Variants in SLC2A13 observed in about 807,000 individuals in gnomAD.
SLC2A13 encodes solute carrier family 2 member 13, also known as proton myo-inositol cotransporter.
A neutral mutation model predicts 64.4 loss-of-function variants in SLC2A13; 32 were observed. The ratio of observed to expected loss-of-function variants is 0.50; its 90% confidence interval spans 0.37 to 0.67. The LOEUF (loss-of-function observed/expected upper bound fraction) is 0.67, where lower values mean the gene tolerates loss of function less well. Ranked by LOEUF, SLC2A13 falls within the 30% of genes least tolerant of loss-of-function variation. SLC2A13 has a pLI of 0.00. For missense variants in SLC2A13, 743 were observed against 829.2 expected, an observed-to-expected ratio of 0.90 and a Z score of 1.28; for synonymous variants, 338 against 327.1, an observed-to-expected ratio of 1.03 and a Z score of -0.36.
intron 2 of SLC2A13, among the ~76,000 whole-genome samples, chr12:40,037,878 T>G (rs1168869351): frequency 3.3e-5 from 5 of 152,184 alleles, no homozygotes; most frequent in Non-Finnish European, 4.4e-5. Context: ...TAGAATGACA[T>G]GCCCTCTTTT....
At chr12:40,033,416 T>C (rs1462929990) in intron 2 of SLC2A13, among the ~76,000 whole-genome samples, 1 of 152,228 alleles carries the variant, frequency 6.6e-6, no homozygotes, top group African/African-American at 2.4e-5. Context: ...AAAGCAAAGC[T>C]GGCTGGCTGG....
chr12:40,013,110 A>G (rs1404556964), intron 3 of SLC2A13, among the ~76,000 whole-genome samples: 1 of 152,200 alleles, frequency 6.6e-6, no homozygotes, highest in Non-Finnish European at 1.5e-5. Context: ...ATACATGCAG[A>G]GGATGGCTTC....
chr12:40,014,606 C>T (rs767208314), intron 3 of SLC2A13, among the ~76,000 whole-genome samples: 3 of 152,148 alleles, frequency 2.0e-5, no homozygotes, highest in Admixed American at 6.5e-5. Context: ...ATTCTCCTGC[C>T]TCAGCCTCCC....
intron 1 of SLC2A13, among the ~76,000 whole-genome samples, chr12:40,062,658 T>A (rs1948442035): frequency 6.6e-6 from 1 of 152,096 alleles, no homozygotes; most frequent in Admixed American, 6.6e-5. Flanking sequence ...TATACTGAGT[T>A]TCCATGTTTA....
chr12:39,915,268 C>G (rs1054567000), intron 4 of SLC2A13, among the ~76,000 whole-genome samples: 3 of 151,912 alleles, frequency 2.0e-5, no homozygotes, highest in Non-Finnish European at 4.4e-5. Context: ...ACTGTAATTA[C>G]ATTGCTAATA....
chr12:39,907,719 G>A (rs1335866302), intron 4 of SLC2A13: 2 of 151,050 alleles, frequency 1.3e-5, no homozygotes, highest in Non-Finnish European at 1.5e-5. Context: ...TCTGACCTGT[G>A]AAACAGGAAG....
At chr12:39,817,933 T>C (rs892299599) in intron 7 of SLC2A13, among the ~76,000 whole-genome samples, 3 of 152,196 alleles carry the variant, frequency 2.0e-5, no homozygotes, top group African/African-American at 7.2e-5. Flanking sequence ...ACACATTCCT[T>C]GAACTTGTCT....
intron 2 of SLC2A13, among the ~76,000 whole-genome samples, chr12:40,032,919 C>G (rs1213989496): frequency 6.6e-6 from 1 of 152,132 alleles, no homozygotes; most frequent in Non-Finnish European, 1.5e-5. Context: ...TGATTATGTT[C>G]CAAATATGTG....
At chr12:39,885,696 A>G (rs1239469725) in intron 4 of SLC2A13, among the ~76,000 whole-genome samples, 2 of 152,198 alleles carry the variant, frequency 1.3e-5, no homozygotes, top group Non-Finnish European at 2.9e-5. Context: ...CTCGTGAATC[A>G]TGGAATAAAA....
At chr12:39,918,068 G>A (rs559496326) in intron 4 of SLC2A13, among the ~76,000 whole-genome samples, 11 of 152,196 alleles carry the variant, frequency 7.2e-5, no homozygotes, top group Middle Eastern at 3.4e-3. Flanking sequence ...CCTACTATGT[G>A]CAAAGTCATT....
chr12:39,981,100 G>A (rs1946884646), intron 3 of SLC2A13, among the ~76,000 whole-genome samples: 2 of 151,736 alleles, frequency 1.3e-5, no homozygotes, highest in South Asian at 2.1e-4. Flanking sequence ...AATGAAGGCA[G>A]AAATAAAGAT....
intron 6 of SLC2A13, among the ~76,000 whole-genome samples, chr12:39,846,844 T>C (rs1326233862): frequency 4.0e-5 from 6 of 151,856 alleles, no homozygotes; most frequent in Non-Finnish European, 7.4e-5. Context: ...AGAGAATCCA[T>C]GCAAAGCTCT....
Position 39,759,925 on chromosome 12 carries a change from C to A in SLC2A13, c.*101G>T. On this transcript the variant is annotated 3_prime_UTR_variant, in exon 10 of 10. Coordinates refer to ENST00000280871, the MANE Select transcript of SLC2A13 (RefSeq NM_052885.4). ...GAATATGAAGTCAATCAAAACTAGGCTGTGGAAAGAACCAGATTAGAAGCA... is the reference window on the plus strand; with the variant it reads ...GAATATGAAGTCAATCAAAACTAGGATGTGGAAAGAACCAGATTAGAAGCA... 1.2e-6 allele frequency: 1 copy of A among 812,530 alleles called. No homozygotes were observed. Among genetic ancestry groups the A allele is most frequent in the South Asian group, 1.7e-5 (1 of 58,766 alleles). 50.3% of individuals were successfully genotyped at this position (812,530 alleles called of 1,614,324 possible). A position where few individuals can be genotyped will look rare whatever the true frequency, so the allele number is the denominator to read the frequency against.
chr12:39,833,176 C>G (rs7966294), intron 6 of SLC2A13, among the ~76,000 whole-genome samples: 106,704 of 151,918 alleles, frequency 0.7, 38,156 homozygotes, highest in African/African-American at 0.83. Flanking sequence ...ATGTCCATTT[C>G]TTTACTTATT....
intron 1 of SLC2A13, among the ~76,000 whole-genome samples, chr12:40,079,796 A>T (rs1191001301): frequency 6.6e-6 from 1 of 152,228 alleles, no homozygotes. Context: ...GTTGGGTGCA[A>T]ATATACTTAA....
In SLC2A13 at chr12:39,826,601, T is replaced by G. The variant is rs115939358; in HGVS notation, c.1445+3502A>C. On this transcript the variant is annotated intron_variant, in intron 7 of 9. Transcript: ENST00000280871. ...ACTAATTGTAATCTCAATTTCTTTC[T>G]GAAAAAAAATAAAAAGCAGAAAAAT... 9.6e-3 allele frequency among the ~76,000 whole-genome samples: 1,454 copies of G among 151,368 alleles called. 19 individuals are homozygous for G. Among genetic ancestry groups the G allele is most frequent in the African/African-American group, 0.032 (1,343 of 41,434 alleles).
At chr12:40,018,757 AG>A (rs1166486272) in intron 3 of SLC2A13, among the ~76,000 whole-genome samples, 1 of 152,144 alleles carries the variant, frequency 6.6e-6, no homozygotes, top group Non-Finnish European at 1.5e-5. Context: ...TGGGGTAAAC[AG>A]GGAAGGTCAG....
At chr12:39,913,496 T>C (rs967273416) in intron 4 of SLC2A13, among the ~76,000 whole-genome samples, 4 of 148,720 alleles carry the variant, frequency 2.7e-5, no homozygotes, top group African/African-American at 9.9e-5. Context: ...AAAAGACTGA[T>C]TTAGATTTGA....
intron 7 of SLC2A13, among the ~76,000 whole-genome samples, chr12:39,796,842 CATGGACATTT>C (rs150947854): frequency 0.012 from 1,833 of 152,224 alleles, 38 homozygotes; most frequent in African/African-American, 0.041. Context: ...ATAATGCTGC[CATGGACATTT>C]ATGCACCTTT....
Sources: allele counts gnomAD v4.1 joint callset (sites outside exome capture counted in the v4.1 genomes callset), GRCh38; gene constraint gnomAD v4.1.1; transcripts MANE v1.5; gene names NCBI Gene and HGNC (gene_info 2026-07-23, HGNC 2026-07-21).